The following TNS1 variants were observed in gnomAD, a reference collection of about 807,000 sequenced individuals.
TNS1 encodes tensin 1.
TNS1 carries 62 observed loss-of-function variants against 168.6 expected under a neutral mutation model. The ratio of observed to expected loss-of-function variants is 0.37; its 90% CI spans 0.30 to 0.45. The LOEUF is 0.45. TNS1 is among the 20% of genes least tolerant of loss of function. TNS1 has a pLI of 1.00. For synonymous variants in TNS1, 934 were observed against 933.2 expected, an observed-to-expected ratio of 1.00 and a Z score of -0.02; for missense variants, 2,240 against 2,339.4, an observed-to-expected ratio of 0.96 and a Z score of 0.88.
At chr2:217,859,996 G>A (rs961571752) in intron 18 of TNS1, among the ~76,000 whole-genome samples, 4 of 152,244 alleles carry the variant, frequency 2.6e-5, no homozygotes, top group African/African-American at 9.6e-5. Flanking sequence ...GGCCAGGCCA[G>A]TGGGAGCTTC....
At position 217,812,350 on chromosome 2, in the gene TNS1, G is replaced by A; in HGVS notation, c.5032+18C>T. ...GCTCAAGGGTGTGGGTGGTGAGCCA[G>A]GAGTCTCACGTTCCTACCTCGGTTT... On this transcript the variant is annotated intron_variant, in intron 28 of 32. Coordinates refer to ENST00000682258, the MANE Select transcript of TNS1 (RefSeq NM_001387777.1). The A allele has an allele frequency of 6.2e-7, 1 of 1,607,078 alleles. No homozygotes were observed. The highest frequency in any genetic ancestry group is 8.5e-7 in the Non-Finnish European group (1 of 1,173,932).
At chr2:217,940,436 C>G (rs2125936010) in intron 3 of TNS1, among the ~76,000 whole-genome samples, 1 of 152,288 alleles carries the variant, frequency 6.6e-6, no homozygotes, top group East Asian at 1.9e-4. Context: ...AGAGCCTTTG[C>G]CTGTCCCCCT....
chr2:217,895,362 C>G (rs1262137918), intron 8 of TNS1, among the ~76,000 whole-genome samples: 1 of 152,172 alleles, frequency 6.6e-6, no homozygotes, highest in Non-Finnish European at 1.5e-5. Flanking sequence ...AAGAGGAACT[C>G]AACTGTAGGT....
At chr2:217,923,256 C>G (rs954316472) in intron 3 of TNS1, among the ~76,000 whole-genome samples, 2 of 152,178 alleles carry the variant, frequency 1.3e-5, no homozygotes, top group African/African-American at 4.8e-5. Flanking sequence ...TCAGGTAAGC[C>G]CCCTTCCCCC....
chr2:217,930,197 G>A (rs1956249507), intron 3 of TNS1, among the ~76,000 whole-genome samples: 1 of 152,212 alleles, frequency 6.6e-6, no homozygotes, highest in Non-Finnish European at 1.5e-5. Flanking sequence ...CCATTTCACA[G>A]ATGAGGAAAT....
chr2:217,983,242 G>A (rs940368642), intron 2 of TNS1, among the ~76,000 whole-genome samples: 1 of 152,154 alleles, frequency 6.6e-6, no homozygotes, highest in African/African-American at 2.4e-5. Flanking sequence ...CTTCTCCTGA[G>A]TCCTCCCCCA....
intron 18 of TNS1, among the ~76,000 whole-genome samples, chr2:217,878,458 C>T (rs544236808): frequency 5.0e-4 from 76 of 152,272 alleles, no homozygotes; most frequent in Non-Finnish European, 9.0e-4. Flanking sequence ...GTTACTTAAC[C>T]CCTCTGTGCT....
chr2:218,000,517 G>T (rs1314280634), intron 1 of TNS1, among the ~76,000 whole-genome samples: 1 of 152,256 alleles, frequency 6.6e-6, no homozygotes, highest in Non-Finnish European at 1.5e-5. Flanking sequence ...GCCAGCATTT[G>T]CTGAGCACCT....
chr2:217,818,744 A>T lies in TNS1; in HGVS notation c.3588T>A (p.Ser1196Arg), dbSNP rs1559163904. The T allele has an allele frequency of 6.2e-7, 1 of 1,610,958 alleles. No individual in the cohort carries two copies. ...GGTCACTGCTCTCTCCCGACGGGAA[A>T]CTCCCCACTGAAGTGCTGCAGAGAG... is the stretch of plus-strand genomic sequence containing the variant. ...ILSADSTSVGSFPSGESSDQG... is the reference protein window; with the variant it reads ...ILSADSTSVGRFPSGESSDQG... The change falls in exon 24 of 33, where the codon AGT (serine) becomes AGA (arginine). Residue 1196 changes from serine (S) to arginine (R), a missense_variant. Transcript: ENST00000682258.
Position 217,946,524 on chromosome 2 carries a change from G to C in TNS1, c.187-26288C>G, listed in dbSNP as rs372068196. 1.2e-4 allele frequency among the ~76,000 whole-genome samples: 18 copies of C among 152,314 alleles called. No individual in the cohort carries two copies. The East Asian group carries it at 3.1e-3, about 26-fold the overall frequency. ...TTTTAAAATGCTTAATACAGCACTAGGCTGTACCAAAGATACTCATATGAA... is the reference window on the plus strand; with the variant it reads ...TTTTAAAATGCTTAATACAGCACTACGCTGTACCAAAGATACTCATATGAA... On this transcript the variant is annotated intron_variant, in intron 3 of 32. Coordinates refer to ENST00000682258, the MANE Select transcript of TNS1 (RefSeq NM_001387777.1).
chr2:217,827,551 G>A (rs970947331), intron 22 of TNS1, among the ~76,000 whole-genome samples: 5 of 152,242 alleles, frequency 3.3e-5, no homozygotes, highest in African/African-American at 9.6e-5. Context: ...CAACTCCCAC[G>A]CTGGAATCCC....
chr2:217,856,705 G>T (rs1009513560), intron 18 of TNS1, among the ~76,000 whole-genome samples: 40 of 152,246 alleles, frequency 2.6e-4, no homozygotes, highest in African/African-American at 9.1e-4. Flanking sequence ...AATTACCAAA[G>T]ATTTTTTGGT....
chr2:217,848,884 C>A lies in TNS1; in HGVS notation c.1633G>T (p.Glu545Ter). ...GCACTGGAGGCCCCGGGGACAGGCT[C>A]GTCGGTCTTGTCGGTCTTGGTGGAG... is the stretch of plus-strand genomic sequence containing the variant. The part of the protein sequence containing the change: ...TASTKTDKTD[E>*]PVPGASSATA... The change falls in exon 19 of 33, where the codon GAG (glutamate) becomes TAG (stop). Residue 545 changes from glutamate to a stop codon, truncating the protein, a stop_gained. Transcript: ENST00000682258. LOFTEE classifies it high-confidence loss of function. The A allele has an allele frequency of 6.2e-7, 1 of 1,614,100 alleles. No homozygotes were observed. Among genetic ancestry groups the A allele is most frequent in the East Asian group, 2.2e-5 (1 of 44,874 alleles).
chr2:217,858,650 A>T (rs990159321), intron 18 of TNS1: 2 of 624,848 alleles, frequency 3.2e-6, no homozygotes, highest in African/African-American at 5.0e-5. Context: ...GGGAGGAGCC[A>T]GTGCCGCCTG....
intron 4 of TNS1, among the ~76,000 whole-genome samples, chr2:217,912,147 G>T (rs1031783153): frequency 1.3e-5 from 2 of 152,272 alleles, no homozygotes; most frequent in African/African-American, 2.4e-5. Context: ...GGAAGGTTGG[G>T]GGGTGGCTGC....
chr2:217,882,906 C>T (rs1287480113), intron 16 of TNS1, among the ~76,000 whole-genome samples: 1 of 152,200 alleles, frequency 6.6e-6, no homozygotes, highest in Non-Finnish European at 1.5e-5. Context: ...AGTGGTCCTC[C>T]TACCTCTGCC....
chr2:217,959,295 G>T (rs147143660), intron 3 of TNS1, among the ~76,000 whole-genome samples: 91 of 152,340 alleles, frequency 6.0e-4, no homozygotes, highest in African/African-American at 1.9e-3. Flanking sequence ...AAGCACTTAG[G>T]ATGGAAACTG....
chr2:217,952,588 A>G (rs1957269122), intron 3 of TNS1, among the ~76,000 whole-genome samples: 1 of 152,222 alleles, frequency 6.6e-6, no homozygotes, highest in South Asian at 2.1e-4. Context: ...CAAATGCAGC[A>G]CTGGCTTCAC....
Position 217,945,818 on chromosome 2 carries a change from T to G in TNS1, c.187-25582A>C, listed in dbSNP as rs148210909. Among the ~76,000 whole-genome samples, 4 of 152,224 alleles carry G rather than the reference T, an allele frequency of 2.6e-5. No individual in the cohort carries two copies. The East Asian group carries it at 7.7e-4, about 29-fold the overall frequency. On this transcript the variant is annotated intron_variant, in intron 3 of 32. Coordinates refer to ENST00000682258, the MANE Select transcript of TNS1 (RefSeq NM_001387777.1). The stretch of plus-strand genomic sequence containing the variant: ...CTTAACCCCTACCTGCCACCCCCAC[T>G]GCAGACTAAGGGCTCCTCTGGGGCT...
Sources: gnomAD v4.1 joint callset for allele counts (sites outside exome capture counted in the v4.1 genomes callset) on GRCh38, gnomAD v4.1.1 for gene constraint, MANE v1.5 for transcripts, NCBI Gene and HGNC (gene_info 2026-07-23, HGNC 2026-07-21) for gene names.